Variants in CREBRF observed in about 807,000 individuals in gnomAD.
CREBRF encodes the protein CREB3 regulatory factor, also known as UPF0474 protein C5orf41.
Under a neutral mutation model 66.1 loss-of-function variants are expected in CREBRF, and 5 were observed. The ratio of observed to expected loss-of-function variants is 0.08; its 90% CI spans 0.04 to 0.16. The LOEUF is 0.16. CREBRF is among the 10% of genes least tolerant of loss of function. The pLI, the probability that CREBRF is intolerant of heterozygous loss-of-function variation, is 1.00. For missense variants in CREBRF, 531 were observed against 744.9 expected, an observed-to-expected ratio of 0.71 and a Z score of 3.34; for synonymous variants, 229 against 264.4, an observed-to-expected ratio of 0.87 and a Z score of 1.30.
chr5:173,108,699 A>G lies in CREBRF; in HGVS notation c.1298A>G (p.Tyr433Cys). 1 of 1,614,088 alleles carries G rather than the reference A, an allele frequency of 6.2e-7. No homozygotes were observed. Among genetic ancestry groups the G allele is most frequent in the Non-Finnish European group, 8.5e-7 (1 of 1,179,984 alleles). ...ISSRKRGKRR[Y>C]FWEYSEQLTP... is the part of the protein sequence containing the mutation. The stretch of plus-strand genomic sequence containing the variant: ...TCACGGAAGAGAGGTAAAAGAAGAT[A>G]CTTCTGGGAGTATAGTGAACAACTT... Residue 433 changes from tyrosine (Y) to cysteine (C), a missense_variant, in exon 5 of 9, where the codon TAC (tyrosine) becomes TGC (cysteine). Physicochemically the swap from Tyr to Cys is radical, Grantham distance 194. This residue lies in a region of CREBRF where 309 missense variants were observed against 341.4 expected (regional missense o/e 0.90). Transcript: ENST00000296953.
At position 173,057,639 on chromosome 5, in the gene CREBRF, C is replaced by T. The variant is rs948355511; in HGVS notation, c.-192+1160C>T. 3 of 152,268 alleles carry T rather than the reference C, an allele frequency of 2.0e-5. No homozygotes were observed. The East Asian group carries it at 5.8e-4, about 29-fold the overall frequency. 9.4% of individuals were successfully genotyped at this position (152,268 alleles called of 1,614,324 possible). On this transcript the variant is annotated intron_variant, in intron 1 of 8. Transcript: ENST00000296953. ...CTTTAACCCAAGAAAGCAAGTCTTT[C>T]TGCCGTTTCTGAGCTGGCTTGAGCC...
chr5:173,112,740 C>A (rs1758899961), intron 7 of CREBRF, among the ~76,000 whole-genome samples: 1 of 152,138 alleles, frequency 6.6e-6, no homozygotes, highest in Admixed American at 6.5e-5. Flanking sequence ...ACAATAATTT[C>A]TTCTATTTTA....
chr5:173,096,766 T>A (rs935764760), intron 4 of CREBRF, among the ~76,000 whole-genome samples: 5 of 152,090 alleles, frequency 3.3e-5, no homozygotes, highest in South Asian at 2.1e-4. Flanking sequence ...AATTTTATTT[T>A]ATCATGAAAG....
chr5:173,090,537 C>G lies in CREBRF; in HGVS notation c.358C>G (p.Leu120Val). ...WGTKEVDYLG[L>V]DDFSSPYQDE... ...AACAAAAGAAGTGGATTACTTGGGT[C>G]TTGATGACTTTTCTAGTCCTTACCA... Residue 120 changes from leucine to valine, a missense_variant, in exon 4 of 9, where the codon CTT (leucine) becomes GTT (valine). Physicochemically the swap from Leu to Val is conservative, Grantham distance 32. Transcript: ENST00000296953. The surrounding 1 kb of genome is among the most constrained non-coding windows in gnomAD (Gnocchi z 4.5). The G allele has an allele frequency of 6.2e-7, 1 of 1,613,914 alleles. No individual in the cohort carries two copies. The highest frequency in any genetic ancestry group is 8.5e-7 in the Non-Finnish European group (1 of 1,179,830).
At chr5:173,071,176 A>G (rs1333737013) in intron 1 of CREBRF, among the ~76,000 whole-genome samples, 2 of 133,548 alleles carry the variant, frequency 1.5e-5, no homozygotes, top group Non-Finnish European at 1.7e-5. Flanking sequence ...GTAGTGGAAG[A>G]CAGAGTTGGA....
chr5:173,072,921 G>C (rs1757640385), intron 1 of CREBRF, among the ~76,000 whole-genome samples: 1 of 152,168 alleles, frequency 6.6e-6, no homozygotes, highest in Non-Finnish European at 1.5e-5. Flanking sequence ...GAATTGGTAT[G>C]ATTCAACAAA....
chr5:173,065,914 G>A (rs1581657185), intron 1 of CREBRF, among the ~76,000 whole-genome samples: 2 of 152,092 alleles, frequency 1.3e-5, no homozygotes, highest in South Asian at 2.1e-4. Flanking sequence ...GCGATTACAG[G>A]CGTGACCAAC....
chr5:173,088,371 C>T (rs2113731305), intron 3 of CREBRF, among the ~76,000 whole-genome samples: 1 of 128,878 alleles, frequency 7.8e-6, no homozygotes, highest in African/African-American at 3.0e-5. Flanking sequence ...TGCCTGTAAT[C>T]CCAGCTACTC....
At chr5:173,115,367 A>G (rs1488515114) in intron 7 of CREBRF, among the ~76,000 whole-genome samples, 3 of 152,000 alleles carry the variant, frequency 2.0e-5, no homozygotes, top group Non-Finnish European at 4.4e-5. Context: ...TCGGCCTCCC[A>G]AAGTGCTGGG....
At position 173,108,932 on chromosome 5, in the gene CREBRF, T is replaced by C. The variant is rs116460413; in HGVS notation, c.1417+114T>C. On this transcript the variant is annotated intron_variant, in intron 5 of 8. Coordinates refer to ENST00000296953, the MANE Select transcript of CREBRF (RefSeq NM_153607.3). ...TCAGCCCTTCCTAGCAAACTGGAGA[T>C]GGGGACTGTAGAGCTGCTACATTTG... 8.5e-4 allele frequency: 754 copies of C among 884,780 alleles called. 6 individuals carry two copies. The African/African-American group carries it at 0.011, about 13-fold the overall frequency. 54.8% of individuals were successfully genotyped at this position (884,780 alleles called of 1,614,324 possible).
intron 7 of CREBRF, among the ~76,000 whole-genome samples, chr5:173,117,674 C>T (rs532200197): frequency 5.6e-5 from 7 of 125,132 alleles, no homozygotes; most frequent in Middle Eastern, 3.9e-3. Flanking sequence ...CTTTCTTTTT[C>T]TCTCTCTCTC....
At chr5:173,132,086 T>TC (rs1491301922) in intron 8 of CREBRF, among the ~76,000 whole-genome samples, 1 of 36,614 alleles carries the variant, frequency 2.7e-5, no homozygotes, top group East Asian at 3.3e-4. Context: ...AATATATTTC[T>TC]TTTTTTTTTT....
chr5:173,062,286 T>C (rs1757293515), intron 1 of CREBRF, among the ~76,000 whole-genome samples: 1 of 152,244 alleles, frequency 6.6e-6, no homozygotes, highest in South Asian at 2.1e-4. Context: ...TATTTCTATA[T>C]ATTCACTGCC....
rs1217949554 is a variant in CREBRF, at chr5:173,072,512, G to A, written c.-191-8073G>A. Among the ~76,000 whole-genome samples, 7 of 151,838 alleles carry A rather than the reference G, an allele frequency of 4.6e-5. No homozygotes were observed. The East Asian group carries it at 1.2e-3, about 25-fold the overall frequency. ...AGGATGGTCTCCATCTCCTGACCTC[G>A]TGATCTGCCTGCCTTGGCCTCCTAA... On this transcript the variant is annotated intron_variant, in intron 1 of 8. Transcript: ENST00000296953.
chr5:173,110,917 C>T lies in CREBRF; in HGVS notation c.1607+206C>T, dbSNP rs1026432803. Among the ~76,000 whole-genome samples, 3 of 152,086 alleles carry T rather than the reference C, an allele frequency of 2.0e-5. No homozygotes were observed. The South Asian group carries it at 6.2e-4, about 32-fold the overall frequency. ...TTTTAAGAGGGGAGAGATGAATGGA[C>T]TCTGGTGCATTATGTTGTATAACAA... On this transcript the variant is annotated intron_variant, in intron 6 of 8. Transcript: ENST00000296953.
chr5:173,109,097 G>A, intron 5 of CREBRF: 2 of 313,408 alleles, frequency 6.4e-6, no homozygotes, highest in Non-Finnish European at 1.2e-5. Flanking sequence ...AAATGACTAG[G>A]AGGCTGCTGG....
intron 1 of CREBRF, among the ~76,000 whole-genome samples, chr5:173,076,309 A>G (rs1352563956): frequency 6.6e-6 from 1 of 152,156 alleles, no homozygotes; most frequent in East Asian, 1.9e-4. Context: ...CCACCTTCCA[A>G]TACTGTTAGG....
Position 173,137,111 on chromosome 5 carries a change from A to T in CREBRF, c.*3366A>T, listed in dbSNP as rs1280867120. The T allele has an allele frequency of 6.6e-6, 1 of 152,032 alleles. No homozygotes were observed. Among genetic ancestry groups the T allele is most frequent in the East Asian group, 1.9e-4 (1 of 5,204 alleles). The allele number at this position is 152,032 out of a possible 1,614,324, so 9.4% of individuals were successfully genotyped here. A position where few individuals can be genotyped will look rare whatever the true frequency, so the allele number is the denominator to read the frequency against. On this transcript the variant is annotated 3_prime_UTR_variant, in exon 9 of 9. Transcript: ENST00000296953. ...ATTGGGTGCCACACTTTTCCAGTCA[A>T]TATAATTGCTTGTTCTACTGTACCA...
chr5:173,131,392 A>AT (rs1210034370), intron 8 of CREBRF, among the ~76,000 whole-genome samples: 1 of 151,956 alleles, frequency 6.6e-6, no homozygotes, highest in Non-Finnish European at 1.5e-5. Flanking sequence ...CCATTATAGC[A>AT]TTTTTTTGTG....
Sources: gnomAD v4.1 joint callset for allele counts (sites outside exome capture counted in the v4.1 genomes callset) on GRCh38, gnomAD v4.1.1 for gene constraint, gnomAD v4.1.1 regional missense constraint, Gnocchi (gnomAD v3.1) non-coding constraint, MANE v1.5 for transcripts, NCBI Gene and HGNC (gene_info 2026-07-23, HGNC 2026-07-21) for gene names.